Variants in PTPRU observed in about 807,000 individuals in gnomAD.
PTPRU encodes the protein protein tyrosine phosphatase receptor type U, also known as receptor-type tyrosine-protein phosphatase U.
Under a neutral mutation model 166.3 loss-of-function variants are expected in PTPRU, and 69 were observed. That is an observed-to-expected ratio of 0.41 (90% CI 0.34 to 0.51). The LOEUF is 0.51. PTPRU is among the 20% of genes least tolerant of loss of function. PTPRU has a pLI of 0.09. For missense variants in PTPRU, 1,657 were observed against 2,013.7 expected (o/e 0.82, Z 3.39); for synonymous variants, 793 against 814.0 (o/e 0.97, Z 0.44).
At position 29,311,897 on chromosome 1, in the gene PTPRU, CTG is replaced by C; in HGVS notation, c.3072+140_3072+141del. On this transcript the variant is annotated intron_variant, in intron 21 of 29. Transcript: ENST00000373779. This position sits in a 1 kb window ranked among gnomAD's most constrained non-coding sequence, Gnocchi z 4.1. The stretch of plus-strand genomic sequence containing the variant: ...TCCCAGCAAGGAAGCTACTTGGTCA[CTG>C]TTGGCTGGGAGCACTCTAGAAGGGC... The C allele has an allele frequency of 1.1e-6, 1 of 883,774 alleles. No homozygotes were observed. Among genetic ancestry groups the C allele is most frequent in the South Asian group, 1.6e-5 (1 of 62,192 alleles). 54.7% of individuals were successfully genotyped at this position (883,774 alleles called of 1,614,324 possible). A position where few individuals can be genotyped will look rare whatever the true frequency, so the allele number is the denominator to read the frequency against.
chr1:29,273,568 C>T (rs1249634465), intron 7 of PTPRU, among the ~76,000 whole-genome samples: 1 of 151,788 alleles, frequency 6.6e-6, no homozygotes, highest in Non-Finnish European at 1.5e-5. Context: ...CACGCCTGGC[C>T]AACTTTTTAT....
chr1:29,311,338 C>T lies in PTPRU; in HGVS notation c.2858-118C>T. On this transcript the variant is annotated intron_variant, in intron 19 of 29. Coordinates refer to ENST00000373779, the MANE Select transcript of PTPRU (RefSeq NM_133178.4). This position sits in a 1 kb window ranked among gnomAD's most constrained non-coding sequence, Gnocchi z 4.1. ...CTGGGTGTTGTGGGCAGCATGAAGC[C>T]CCCGTTGGGGCTCAGGAGGCCTCCT... The T allele has an allele frequency of 1.1e-6, 1 of 913,960 alleles. No individual in the cohort carries two copies. Among genetic ancestry groups the T allele is most frequent in the Non-Finnish European group, 1.7e-6 (1 of 593,858 alleles). 56.6% of individuals were successfully genotyped at this position (913,960 alleles called of 1,614,324 possible). A position where few individuals can be genotyped will look rare whatever the true frequency, so the allele number is the denominator to read the frequency against.
chr1:29,279,749 G>A lies in PTPRU; in HGVS notation c.1765+92G>A. 3 of 1,443,196 alleles carry A rather than the reference G, an allele frequency of 2.1e-6. No homozygotes were observed. The highest frequency in any genetic ancestry group is 2.9e-6 in the Non-Finnish European group (3 of 1,044,622). The allele number at this position is 1,443,196 out of a possible 1,614,324, so 89.4% of individuals were successfully genotyped here. A position where few individuals can be genotyped will look rare whatever the true frequency, so the allele number is the denominator to read the frequency against. On this transcript the variant is annotated intron_variant, in intron 10 of 29. Coordinates refer to ENST00000373779, the MANE Select transcript of PTPRU (RefSeq NM_133178.4). This position sits in a 1 kb window ranked among gnomAD's most constrained non-coding sequence, Gnocchi z 5.2. The stretch of plus-strand genomic sequence containing the variant: ...GAAGGGAAATGGGGGGCATCCTGGG[G>A]GTAGTTACAGAGGGCCCCTGCTGAG...
chr1:29,245,188 G>C (rs1684238012), intron 1 of PTPRU, among the ~76,000 whole-genome samples: 1 of 152,158 alleles, frequency 6.6e-6, no homozygotes, highest in Non-Finnish European at 1.5e-5. Context: ...TTGTTTTCCT[G>C]CCAGCATGCT....
chr1:29,250,734 G>C (rs1323719796), intron 1 of PTPRU, among the ~76,000 whole-genome samples: 1 of 152,224 alleles, frequency 6.6e-6, no homozygotes, highest in Non-Finnish European at 1.5e-5. Context: ...TCCAGCAGGA[G>C]TTGAGTCTCT....
At chr1:29,261,137 A>G (rs1479278254) in intron 7 of PTPRU, among the ~76,000 whole-genome samples, 2 of 152,234 alleles carry the variant, frequency 1.3e-5, no homozygotes, top group Non-Finnish European at 2.9e-5. Context: ...TTTAAAACTT[A>G]CAACACTACC....
Position 29,299,437 on chromosome 1 carries a change from C to T in PTPRU, c.2477-4418C>T, listed in dbSNP as rs905529499. Among the ~76,000 whole-genome samples, 28 of 152,144 alleles carry T rather than the reference C, an allele frequency of 1.8e-4. 1 individual carries two copies. The highest frequency in any genetic ancestry group is 2.9e-5 in the Non-Finnish European group (2 of 68,010). On this transcript the variant is annotated intron_variant, in intron 15 of 29. Transcript: ENST00000373779. ...ATAGGCAAGGAGAGTAGGGACCTGT[C>T]CTCTCTGGGCCCAGGAATTGGAGGG...
Position 29,315,474 on chromosome 1 carries a change from C to T in PTPRU, c.3330C>T (p.Leu1110=), listed in dbSNP as rs1172122023. 1.2e-6 allele frequency: 2 copies of T among 1,614,110 alleles called. No individual in the cohort carries two copies. Among genetic ancestry groups the T allele is most frequent in the Non-Finnish European group, 8.5e-7 (1 of 1,180,026 alleles). The part of the protein sequence containing the change: ...VVDIYNCVKT[L]CSRRVNMIQT... ...ACATTTACAACTGTGTGAAGACTCT[C>T]TGCTCCCGGCGTGTCAACATGATCC... Residue 1110 remains leucine (L), a synonymous_variant, in exon 23 of 30, where the codon CTC becomes CTT. Transcript: ENST00000373779. This position sits in a 1 kb window ranked among gnomAD's most constrained non-coding sequence, Gnocchi z 4.5.
At chr1:29,309,177 A>G (rs981737479) in intron 18 of PTPRU, among the ~76,000 whole-genome samples, 2 of 152,192 alleles carry the variant, frequency 1.3e-5, no homozygotes, top group East Asian at 3.8e-4. Context: ...GCAGAGGAGA[A>G]CAAAGGCTTA....
intron 12 of PTPRU, among the ~76,000 whole-genome samples, chr1:29,283,402 C>A (rs1341385223): frequency 1.3e-5 from 2 of 151,204 alleles, no homozygotes; most frequent in Non-Finnish European, 2.9e-5. Flanking sequence ...CTACCCCCTT[C>A]CTGAGCCTTC....
intron 1 of PTPRU, among the ~76,000 whole-genome samples, chr1:29,244,933 G>A (rs923250060): frequency 2.6e-5 from 4 of 152,142 alleles, no homozygotes; most frequent in African/African-American, 7.2e-5. Context: ...TGAAGTCCAG[G>A]CCTGGGAGGG....
In PTPRU at chr1:29,317,529, G is replaced by T. The variant is rs955800852; in HGVS notation, c.3514-219G>T. Among the ~76,000 whole-genome samples, 4 of 152,188 alleles carry T rather than the reference G, an allele frequency of 2.6e-5. No individual in the cohort carries two copies. Among genetic ancestry groups the T allele is most frequent in the Non-Finnish European group, 5.9e-5 (4 of 68,042 alleles). The stretch of plus-strand genomic sequence containing the variant: ...GTAGCTTGTCTGAGGTTATGTGGGT[G>T]GCAAGGAGGTAGACTCTGGTCTCTA... On this transcript the variant is annotated intron_variant, in intron 24 of 29. Transcript: ENST00000373779. This position sits in a 1 kb window ranked among gnomAD's most constrained non-coding sequence, Gnocchi z 5.6.
intron 12 of PTPRU, among the ~76,000 whole-genome samples, chr1:29,283,235 T>C (rs1006765195): frequency 8.1e-6 from 1 of 124,210 alleles, no homozygotes; most frequent in Non-Finnish European, 1.6e-5. Flanking sequence ...CCACCTCCAA[T>C]AGCCTTACCT....
rs555634770 is a variant in PTPRU, at chr1:29,306,494, T to C, written c.2820+1066T>C. On this transcript the variant is annotated intron_variant, in intron 18 of 29. Coordinates refer to ENST00000373779, the MANE Select transcript of PTPRU (RefSeq NM_133178.4). ...GACATGTTTACAAATCAAAATAACTTCAGATTAGATGAGCAAGTGCAGGCC... is the reference window on the plus strand; with the variant it reads ...GACATGTTTACAAATCAAAATAACTCCAGATTAGATGAGCAAGTGCAGGCC... Among the ~76,000 whole-genome samples the C allele has an allele frequency of 5.9e-5, 9 of 152,226 alleles. No homozygotes were observed. In the South Asian group the frequency reaches 1.9e-3, roughly 32 times the overall value.
At chr1:29,258,822 C>T in intron 3 of PTPRU, 46 bp downstream of exon 3, 1 of 1,526,832 alleles carries the variant, frequency 6.5e-7, no homozygotes, top group Non-Finnish European at 8.8e-7. Flanking sequence ...GGAGGTGGGG[C>T]AGATGGATGT....
intron 17 of PTPRU, among the ~76,000 whole-genome samples, 190 bp from the exon 18 acceptor site, chr1:29,305,162 A>G (rs1179619225): frequency 6.6e-6 from 1 of 152,188 alleles, no homozygotes; most frequent in East Asian, 1.9e-4. Flanking sequence ...CCTTGACTCC[A>G]TAGCCCAGGC....
intron 2 of PTPRU, among the ~76,000 whole-genome samples, chr1:29,256,172 G>A (rs768062213): frequency 1.3e-5 from 2 of 152,188 alleles, no homozygotes; most frequent in African/African-American, 4.8e-5. Context: ...AAAGTACAGA[G>A]CACAGGGGTG....
Position 29,320,850 on chromosome 1 carries a change from A to G in PTPRU, c.3828+25A>G, listed in dbSNP as rs767257150. The G allele has an allele frequency of 2.8e-5, 43 of 1,530,232 alleles. No homozygotes were observed. In the East Asian group the frequency reaches 8.9e-4, roughly 32 times the overall value. The allele number at this position is 1,530,232 out of a possible 1,614,324, so 94.8% of individuals were successfully genotyped here. On this transcript the variant is annotated intron_variant, in intron 26 of 29. Transcript: ENST00000373779. The surrounding 1 kb of genome is among the most constrained non-coding windows in gnomAD (Gnocchi z 5.2). ...GGTGAGGCCTCCACTGGCCAGGCCA[A>G]TGGGCCGCCTGCTCCCAGGTCCTCT...
Position 29,280,155 on chromosome 1 carries a change from G to A in PTPRU, c.1868+14G>A. 10 of 1,598,636 alleles carry A rather than the reference G, an allele frequency of 6.3e-6. No homozygotes were observed. Among genetic ancestry groups the A allele is most frequent in the Non-Finnish European group, 7.7e-6 (9 of 1,167,320 alleles). On this transcript the variant is annotated intron_variant, in intron 11 of 29. Transcript: ENST00000373779. The surrounding 1 kb of genome is among the most constrained non-coding windows in gnomAD (Gnocchi z 4.2). ...TGCGCCCATCAGGTGGGAAAGCGGG[G>A]ACGGAGGGGTGGGAGTCCAGGGCCT...
Sources: allele counts gnomAD v4.1 joint callset (sites outside exome capture counted in the v4.1 genomes callset), GRCh38; gene constraint gnomAD v4.1.1; non-coding constraint Gnocchi (gnomAD v3.1); transcripts MANE v1.5; gene names NCBI Gene and HGNC (gene_info 2026-07-23, HGNC 2026-07-21).